The following PIP5K1C variants were observed in gnomAD, a reference collection of about 807,000 sequenced individuals.
PIP5K1C encodes the protein phosphatidylinositol-4-phosphate 5-kinase type 1 gamma.
A neutral mutation model predicts 80.1 loss-of-function variants in PIP5K1C; 45 were observed. The observed-to-expected ratio is 0.56, with a 90% confidence interval of 0.44 to 0.72. The LOEUF is 0.72. PIP5K1C is among the 30% of genes least tolerant of loss of function. PIP5K1C has a pLI of 0.00. For missense variants in PIP5K1C, 753 were observed against 954.6 expected, an observed-to-expected ratio of 0.79 and a Z score of 2.78; for synonymous variants, 498 against 420.1, an observed-to-expected ratio of 1.19 and a Z score of -2.27.
chr19:3,665,162 C>T (rs552699681), intron 2 of PIP5K1C, among the ~76,000 whole-genome samples: 1 of 152,310 alleles, frequency 6.6e-6, no homozygotes, highest in South Asian at 2.1e-4. Flanking sequence ...AGGTGGAGAC[C>T]TCTGCCTCCT....
intron 6 of PIP5K1C, among the ~76,000 whole-genome samples, 186 bp downstream of exon 6, chr19:3,656,219 C>T (rs1002338185): frequency 5.9e-5 from 9 of 152,160 alleles, no homozygotes; most frequent in Admixed American, 4.6e-4. Flanking sequence ...GAGAGGGCGG[C>T]TCCTGAACAC....
rs370426870 is a variant in PIP5K1C at position 3,633,150 on chromosome 19, C to G, written c.*17G>C. 1.2e-5 allele frequency: 9 copies of G among 744,920 alleles called. No individual in the cohort carries two copies. The highest frequency in any genetic ancestry group is 2.2e-5 in the Non-Finnish European group (9 of 400,696). 46.1% of individuals were successfully genotyped at this position (744,920 alleles called of 1,614,324 possible). A position where few individuals can be genotyped will look rare whatever the true frequency, so the allele number is the denominator to read the frequency against. On this transcript the variant is annotated 3_prime_UTR_variant, in exon 18 of 18. Transcript: ENST00000335312. ...GCAGAAGTGGAGCTCGGCTCTGGGT[C>G]GGGGGCTGCATAGAAATTACTGCAA... is the stretch of plus-strand genomic sequence containing the variant.
Position 3,661,855 on chromosome 19 carries a change from C to T in PIP5K1C, c.350+16G>A, listed in dbSNP as rs200256984. 7.5e-5 allele frequency: 120 copies of T among 1,610,252 alleles called. No homozygotes were observed. In the East Asian group the frequency reaches 1.0e-3, roughly 14 times the overall value. ...GTGTGCTGGGTGAGCCCTGAGGCTC[C>T]GGGGGCCCGGCCCACCTGGGGAAGA... On this transcript the variant is annotated intron_variant, in intron 4 of 17. Coordinates refer to ENST00000335312, the MANE Select transcript of PIP5K1C (RefSeq NM_012398.3).
chr19:3,642,473 C>T (rs943172118), intron 14 of PIP5K1C, among the ~76,000 whole-genome samples: 7 of 152,276 alleles, frequency 4.6e-5, no homozygotes, highest in Middle Eastern at 3.4e-3. Context: ...GCGGCGTGCA[C>T]GGGTGTGCCC....
At chr19:3,640,376 C>T (rs1334487462) in intron 15 of PIP5K1C, among the ~76,000 whole-genome samples, 1 of 151,956 alleles carries the variant, frequency 6.6e-6, no homozygotes, top group African/African-American at 2.4e-5. Flanking sequence ...ATTAGCCGGG[C>T]GTGGTGGTGC....
At chr19:3,661,797 C>A (rs2034840207) in intron 4 of PIP5K1C, 74 bp downstream of exon 4, 33 of 1,583,008 alleles carry the variant, frequency 2.1e-5, no homozygotes, top group Non-Finnish European at 2.7e-5. Flanking sequence ...GAGAAGGGCG[C>A]TCAGGACAGG....
At chr19:3,697,478 G>A (rs772521307) in intron 1 of PIP5K1C, among the ~76,000 whole-genome samples, 1 of 152,004 alleles carries the variant, frequency 6.6e-6, no homozygotes, top group Non-Finnish European at 1.5e-5. Flanking sequence ...GGACCGAGCT[G>A]GACCGGGGAG....
intron 1 of PIP5K1C, among the ~76,000 whole-genome samples, chr19:3,674,978 TGA>T (rs2035314629): frequency 1.3e-5 from 2 of 151,982 alleles, no homozygotes; most frequent in African/African-American, 4.8e-5. Flanking sequence ...TCACACTCAG[TGA>T]GAGATACCAG....
intron 10 of PIP5K1C, 66 bp from the exon 11 acceptor site, chr19:3,646,124 C>A: frequency 1.0e-6 from 1 of 977,682 alleles, no homozygotes; most frequent in Non-Finnish European, 1.7e-6. Context: ...GGGGACAGCC[C>A]CAGACAGACG....
At chr19:3,662,206 G>A (rs1408631947) in intron 3 of PIP5K1C, among the ~76,000 whole-genome samples, 4 of 152,178 alleles carry the variant, frequency 2.6e-5, no homozygotes, top group African/African-American at 9.7e-5. Flanking sequence ...ACCCTCCCTC[G>A]GGCCACACAG....
At chr19:3,643,678 C>G (rs552105756) in intron 12 of PIP5K1C, among the ~76,000 whole-genome samples, 1 of 150,016 alleles carries the variant, frequency 6.7e-6, no homozygotes, top group East Asian at 2.0e-4. Context: ...CCCCTCCCCA[C>G]CCCCCCTCCC....
rs140488793 is a variant in PIP5K1C, at chr19:3,651,854, G to A, written c.1099C>T (p.Arg367Cys). ...TCATCCGATTCGATGGCCTCCCCGCGCGCGGCGCCACCCTGGATGGACTCC... is the reference window on the plus strand; with the variant it reads ...TCATCCGATTCGATGGCCTCCCCGCACGCGGCGCCACCCTGGATGGACTCC... ...AMESIQGGAARGEAIESDDTM... is the reference protein window; with the variant it reads ...AMESIQGGAACGEAIESDDTM... Residue 367 changes from arginine (R) to cysteine (C), a missense_variant, in exon 8 of 18, where the codon CGC becomes TGC. Arg to Cys is a radical substitution (Grantham distance 180, BLOSUM62 -3). Transcript: ENST00000335312. 38 of 1,612,266 alleles carry A rather than the reference G, an allele frequency of 2.4e-5. No homozygotes were observed. The highest frequency in any genetic ancestry group is 1.3e-4 in the African/African-American group (10 of 74,938).
chr19:3,638,176 CCTGAT>C (rs1199689921), intron 16 of PIP5K1C, among the ~76,000 whole-genome samples: 2 of 152,204 alleles, frequency 1.3e-5, no homozygotes, highest in African/African-American at 4.8e-5. Context: ...CCTGGGGCTG[CCTGAT>C]CTGAGTGGGA....
In PIP5K1C at chr19:3,637,912, G is replaced by T. The variant is rs1269550684; in HGVS notation, c.1920+972C>A. On this transcript the variant is annotated intron_variant, in intron 16 of 17. Transcript: ENST00000335312. The surrounding 1 kb of genome is among the most constrained non-coding windows in gnomAD (Gnocchi z 7.0). The stretch of plus-strand genomic sequence containing the variant: ...CGCGCACAAACCAGTCCCAGGAAAA[G>T]GGGTGACGACGTGCGGTGGGTAGGG... 6.5e-7 allele frequency: 1 copy of T among 1,535,242 alleles called. No individual in the cohort carries two copies. Among genetic ancestry groups the T allele is most frequent in the East Asian group, 2.4e-5 (1 of 40,912 alleles).
chr19:3,651,723 C>T (rs891717597), intron 8 of PIP5K1C, 103 bp downstream of exon 8: 6 of 1,203,412 alleles, frequency 5.0e-6, no homozygotes, highest in African/African-American at 3.0e-5. Context: ...CGCATGCCCT[C>T]GCCAGCCCTC....
chr19:3,684,170 G>C (rs1015991111), intron 1 of PIP5K1C, among the ~76,000 whole-genome samples: 2 of 152,158 alleles, frequency 1.3e-5, no homozygotes, highest in Non-Finnish European at 2.9e-5. Flanking sequence ...GGAACGATAA[G>C]AAGAGCCTCC....
At position 3,653,527 on chromosome 19, in the gene PIP5K1C, C is replaced by A. The variant is rs2074957; in HGVS notation, c.684G>T (p.Ser228=). The A allele has an allele frequency of 3.1e-6, 5 of 1,613,460 alleles. No individual in the cohort carries two copies. In the African/African-American group the frequency reaches 6.7e-5, roughly 22 times the overall value. ...PKFYGLYCVQ[S]GGKNIRVVVM... ...CCACGACGCGGATGTTCTTGCCCCC[C>A]GACTGCACGCAGTACAGCCCATAGA... The change falls in exon 7 of 18, where the codon TCG becomes TCT. Residue 228 remains serine, a synonymous_variant. Transcript: ENST00000335312.
rs1361901762 is a variant in PIP5K1C, at chr19:3,637,698, A to T, written c.1920+1186T>A. 1.4e-6 allele frequency: 2 copies of T among 1,458,570 alleles called. No homozygotes were observed. The allele number at this position is 1,458,570 out of a possible 1,614,324, so 90.4% of individuals were successfully genotyped here. ...GCGGCCACCCCCGTGGTCGGGTGGG[A>T]GAGGCGGAGGGAGGTGGCGGGGAGC... On this transcript the variant is annotated intron_variant, in intron 16 of 17. Coordinates refer to ENST00000335312, the MANE Select transcript of PIP5K1C (RefSeq NM_012398.3). The surrounding 1 kb of genome is among the most constrained non-coding windows in gnomAD (Gnocchi z 7.0).
chr19:3,698,202 G>T (rs1000695645), intron 1 of PIP5K1C, among the ~76,000 whole-genome samples: 1 of 152,238 alleles, frequency 6.6e-6, no homozygotes, highest in Non-Finnish European at 1.5e-5. Context: ...CGATGGTGGA[G>T]AGGCCGGAAA....
Sources: allele counts gnomAD v4.1 joint callset (sites outside exome capture counted in the v4.1 genomes callset), GRCh38; gene constraint gnomAD v4.1.1; non-coding constraint Gnocchi (gnomAD v3.1); transcripts MANE v1.5; gene names NCBI Gene and HGNC (gene_info 2026-07-23, HGNC 2026-07-21).